NR6A1: variants seen among roughly 807,000 people sequenced by gnomAD.
NR6A1 encodes retinoic acid receptor-related testis-associated receptor.
A neutral mutation model predicts 59.1 loss-of-function variants in NR6A1; 7 were observed. The observed-to-expected ratio is 0.12, with a 90% CI of 0.07 to 0.22. The LOEUF (loss-of-function observed/expected upper bound fraction) is 0.22, where lower values mean the gene tolerates loss of function less well. Among genes scored for constraint, NR6A1 ranks in the 10% least tolerant of loss-of-function variants. NR6A1 has a pLI of 1.00. For missense variants in NR6A1, 468 were observed against 611.6 expected (o/e 0.77, Z 2.48); for synonymous variants, 243 against 236.1 (o/e 1.03, Z -0.27).
At chr9:124,683,159 GC>G (rs1011030274) in intron 2 of NR6A1, among the ~76,000 whole-genome samples, 2 of 151,800 alleles carry the variant, frequency 1.3e-5, no homozygotes, top group African/African-American at 4.8e-5. Flanking sequence ...CTGGGATCAC[GC>G]CACTACACTC....
intron 2 of NR6A1, among the ~76,000 whole-genome samples, chr9:124,657,392 A>G (rs553897513): frequency 6.6e-6 from 1 of 152,296 alleles, no homozygotes; most frequent in African/African-American, 2.4e-5. Context: ...TCAATTTAGG[A>G]CTCTATAAGC....
intron 2 of NR6A1, among the ~76,000 whole-genome samples, chr9:124,600,442 A>C (rs1322091911): frequency 2.6e-5 from 4 of 152,230 alleles, no homozygotes; most frequent in Non-Finnish European, 5.9e-5. Flanking sequence ...GAAAGAATTC[A>C]TAGTTCAGGA....
At chr9:124,535,745 G>T in intron 7 of NR6A1, 133 bp downstream of exon 7, 1 of 1,141,528 alleles carries the variant, frequency 8.8e-7, no homozygotes, top group Non-Finnish European at 1.3e-6. Context: ...AATCTAGTCA[G>T]TGGCAGAGTG....
chr9:124,668,173 A>C (rs184776533), intron 2 of NR6A1, among the ~76,000 whole-genome samples: 2 of 152,346 alleles, frequency 1.3e-5, no homozygotes, highest in Non-Finnish European at 2.9e-5. Flanking sequence ...AACTAGAGAA[A>C]AGAAAATGTT....
At chr9:124,622,150 A>C (rs1036580288) in intron 2 of NR6A1, among the ~76,000 whole-genome samples, 1 of 152,218 alleles carries the variant, frequency 6.6e-6, no homozygotes, top group Admixed American at 6.5e-5. Flanking sequence ...TGGGAGGCAG[A>C]GGTTGCACTG....
chr9:124,727,423 C>G (rs1839753851), intron 2 of NR6A1, among the ~76,000 whole-genome samples: 1 of 152,158 alleles, frequency 6.6e-6, no homozygotes, highest in Non-Finnish European at 1.5e-5. Flanking sequence ...GTACTGTTAA[C>G]AGCACATTTG....
At chr9:124,635,818 C>T (rs1564211573) in intron 2 of NR6A1, among the ~76,000 whole-genome samples, 1 of 152,230 alleles carries the variant, frequency 6.6e-6, no homozygotes. Flanking sequence ...AATAAAGCTG[C>T]TATAATCATC....
intron 2 of NR6A1, among the ~76,000 whole-genome samples, chr9:124,572,290 C>A (rs111596561): frequency 6.6e-6 from 1 of 152,210 alleles, no homozygotes; most frequent in East Asian, 1.9e-4. Context: ...ATGACTATCA[C>A]TAGAATTTTC....
intron 2 of NR6A1, among the ~76,000 whole-genome samples, chr9:124,726,107 AATCAGGCCAAGTATAG>A (rs1839709569): frequency 6.6e-6 from 1 of 152,184 alleles, no homozygotes; most frequent in South Asian, 2.1e-4. Flanking sequence ...TACTTGAGGA[AATCAGGCCAAGTATAG>A]CTCAGTAATT....
chr9:124,654,659 C>G (rs1236063992), intron 2 of NR6A1, among the ~76,000 whole-genome samples: 1 of 152,114 alleles, frequency 6.6e-6, no homozygotes, highest in Non-Finnish European at 1.5e-5. Context: ...CTTCCTCATT[C>G]AAGATGTCTC....
rs1434908115 is a variant in NR6A1, at chr9:124,540,098, G to A, written c.531C>T (p.His177=). ...CCGAAGCCCTGTTCCCAGGGGAACT[G>A]TGGTCACTATCACCATGGTTGCTCC... ...NHWSNHGDSD[H]SSPGNRASES... The change falls in exon 5 of 10, where the codon CAC becomes CAT. Residue 177 remains histidine, a synonymous_variant. Coordinates refer to ENST00000487099, the MANE Select transcript of NR6A1 (RefSeq NM_033334.4). The A allele has an allele frequency of 3.1e-6, 5 of 1,613,174 alleles. No homozygotes were observed. Among genetic ancestry groups the A allele is most frequent in the Non-Finnish European group, 4.2e-6 (5 of 1,179,886 alleles).
At chr9:124,695,708 T>C (rs1263525006) in intron 2 of NR6A1, among the ~76,000 whole-genome samples, 1 of 152,106 alleles carries the variant, frequency 6.6e-6, no homozygotes, top group East Asian at 1.9e-4. Flanking sequence ...GTGAGACTGG[T>C]AGACACACAG....
chr9:124,749,034 G>A (rs1456074814), intron 1 of NR6A1, among the ~76,000 whole-genome samples: 6 of 152,074 alleles, frequency 3.9e-5, no homozygotes, highest in South Asian at 2.1e-4. Context: ...AGGCCAAGGC[G>A]GGCGGATCAC....
chr9:124,744,858 T>C (rs1188196266), intron 1 of NR6A1, among the ~76,000 whole-genome samples: 2 of 152,210 alleles, frequency 1.3e-5, no homozygotes, highest in South Asian at 2.1e-4. Flanking sequence ...GGAAGAGAAG[T>C]AGCCAGCTCT....
intron 2 of NR6A1, among the ~76,000 whole-genome samples, chr9:124,610,377 G>GC (rs1164576859): frequency 6.6e-6 from 1 of 152,138 alleles, no homozygotes; most frequent in Non-Finnish European, 1.5e-5. Context: ...TCTGTCTTTA[G>GC]TTTTGTTTAT....
At chr9:124,637,313 A>G (rs1467625640) in intron 2 of NR6A1, among the ~76,000 whole-genome samples, 1 of 152,204 alleles carries the variant, frequency 6.6e-6, no homozygotes, top group African/African-American at 2.4e-5. Flanking sequence ...GGAGACAGGA[A>G]TGTTGAAGAA....
At chr9:124,721,080 T>A (rs1481265775) in intron 2 of NR6A1, among the ~76,000 whole-genome samples, 2 of 152,212 alleles carry the variant, frequency 1.3e-5, no homozygotes, top group African/African-American at 4.8e-5. Flanking sequence ...CTAACTAGCC[T>A]CAGAATTTCT....
In NR6A1 at chr9:124,683,405, T is replaced by A. The variant is rs138345825; in HGVS notation, c.142+49903A>T. On this transcript the variant is annotated intron_variant, in intron 2 of 9. Transcript: ENST00000487099. ...CCATTCTTTACAGCAAGCTGGAAGT[T>A]TGGTCAAGTAATTACAATAATAGTA... 1.6e-4 allele frequency among the ~76,000 whole-genome samples: 24 copies of A among 152,334 alleles called. No homozygotes were observed. The East Asian group carries it at 4.6e-3, about 29-fold the overall frequency.
intron 2 of NR6A1, among the ~76,000 whole-genome samples, chr9:124,580,755 G>A (rs567491517): frequency 7.2e-5 from 11 of 152,202 alleles, no homozygotes; most frequent in Admixed American, 3.9e-4. Flanking sequence ...AGGAGGCAGA[G>A]GTTGTTGTGA....
Sources: allele counts gnomAD v4.1 joint callset (sites outside exome capture counted in the v4.1 genomes callset), GRCh38; gene constraint gnomAD v4.1.1; transcripts MANE v1.5; gene names NCBI Gene and HGNC (gene_info 2026-07-23, HGNC 2026-07-21).